PDE4D: variants seen among roughly 807,000 people sequenced by gnomAD.
PDE4D encodes the protein phosphodiesterase 4D.
Under a neutral mutation model 87.4 loss-of-function variants are expected in PDE4D, and 24 were observed. That is an observed-to-expected ratio of 0.27 (90% confidence interval 0.20 to 0.39). The LOEUF (loss-of-function observed/expected upper bound fraction) is 0.39, where lower values mean the gene tolerates loss of function less well. Among genes scored for constraint, PDE4D ranks in the 10% least tolerant of loss-of-function variants. The pLI, the probability that PDE4D is intolerant of heterozygous loss-of-function variation, is 1.00. For missense variants in PDE4D, 714 were observed against 1,041.0 expected (o/e 0.69, Z 4.32); for synonymous variants, 384 against 383.2 (o/e 1.00, Z -0.02).
At chr5:60,332,399 A>G (rs1562331945) in intron 1 of PDE4D, among the ~76,000 whole-genome samples, 1 of 152,068 alleles carries the variant, frequency 6.6e-6, no homozygotes, top group Non-Finnish European at 1.5e-5. Flanking sequence ...GTGTCCAGTT[A>G]CTTATAAGCA....
chr5:59,849,883 AAC>A (rs1353213470), intron 1 of PDE4D, among the ~76,000 whole-genome samples: 1 of 152,070 alleles, frequency 6.6e-6, no homozygotes. Context: ...TAGTATTGAA[AAC>A]ACAATATTTA....
chr5:59,622,502 C>T (rs367997051), intron 1 of PDE4D, among the ~76,000 whole-genome samples: 1 of 152,144 alleles, frequency 6.6e-6, no homozygotes, highest in East Asian at 1.9e-4. Flanking sequence ...ATCTTGACTA[C>T]CTTAATGTAT....
chr5:59,206,991 T>C (rs1386602228), intron 2 of PDE4D, among the ~76,000 whole-genome samples: 1 of 152,000 alleles, frequency 6.6e-6, no homozygotes, highest in Admixed American at 6.6e-5. Flanking sequence ...GAGACCAACC[T>C]GGGCAACATA....
chr5:59,785,404 G>A (rs760176771), intron 1 of PDE4D, among the ~76,000 whole-genome samples: 11 of 152,222 alleles, frequency 7.2e-5, no homozygotes, highest in South Asian at 2.1e-4. Flanking sequence ...TACAGCTAAC[G>A]TTTATTGAGC....
chr5:59,928,047 G>A (rs1755476851), intron 3 of PDE4D, among the ~76,000 whole-genome samples: 1 of 152,192 alleles, frequency 6.6e-6, no homozygotes, highest in African/African-American at 2.4e-5. Flanking sequence ...CAAGCTGCGT[G>A]GTGTGAGCAG....
intron 1 of PDE4D, among the ~76,000 whole-genome samples, chr5:59,278,587 T>C (rs566274476): frequency 2.0e-5 from 3 of 152,234 alleles, no homozygotes; most frequent in African/African-American, 7.2e-5. Context: ...ACTTCAGTCA[T>C]AACACCACCT....
chr5:59,576,842 C>G (rs1051186530), intron 1 of PDE4D, among the ~76,000 whole-genome samples: 1 of 152,134 alleles, frequency 6.6e-6, no homozygotes, highest in African/African-American at 2.4e-5. Context: ...ACTTTTCCCA[C>G]AAATATTTTC....
intron 1 of PDE4D, among the ~76,000 whole-genome samples, chr5:59,378,282 G>C (rs1214100027): frequency 6.6e-6 from 1 of 152,182 alleles, no homozygotes; most frequent in Non-Finnish European, 1.5e-5. Context: ...GCCTACCAGA[G>C]GGTAGAAGGT....
chr5:59,781,290 A>C (rs1764602072), intron 1 of PDE4D, among the ~76,000 whole-genome samples: 1 of 152,058 alleles, frequency 6.6e-6, no homozygotes, highest in African/African-American at 2.4e-5. Context: ...ACTATGTCTT[A>C]CTTAGTGGTT....
chr5:59,953,176 G>A (rs1002934473), intron 3 of PDE4D, among the ~76,000 whole-genome samples: 1 of 151,996 alleles, frequency 6.6e-6, no homozygotes, highest in Non-Finnish European at 1.5e-5. Flanking sequence ...GGCAGTATAT[G>A]TTCTAGCCAC....
At chr5:59,371,020 C>G (rs1035005504) in intron 1 of PDE4D, among the ~76,000 whole-genome samples, 1 of 152,164 alleles carries the variant, frequency 6.6e-6, no homozygotes, top group African/African-American at 2.4e-5. Flanking sequence ...AATTCATAAA[C>G]TATCTTAAAA....
chr5:59,632,082 C>G (rs559422286), intron 1 of PDE4D, among the ~76,000 whole-genome samples: 1 of 152,272 alleles, frequency 6.6e-6, no homozygotes, highest in South Asian at 2.1e-4. Flanking sequence ...ATTACTGAGG[C>G]TTAAGTAGGT....
At chr5:59,803,328 T>A (rs1365579071) in intron 1 of PDE4D, among the ~76,000 whole-genome samples, 1 of 151,512 alleles carries the variant, frequency 6.6e-6, no homozygotes, top group Non-Finnish European at 1.5e-5. Flanking sequence ...TTTTTCAATT[T>A]GTCTCTGCCA....
intron 1 of PDE4D, among the ~76,000 whole-genome samples, chr5:60,338,843 C>T (rs534737717): frequency 6.6e-6 from 1 of 152,020 alleles, no homozygotes; most frequent in Non-Finnish European, 1.5e-5. Context: ...AGGAGAGGGG[C>T]CTGAATCCCT....
chr5:60,287,342 A>C (rs193081671), intron 1 of PDE4D, among the ~76,000 whole-genome samples: 11 of 152,302 alleles, frequency 7.2e-5, no homozygotes, highest in Middle Eastern at 3.4e-3. Context: ...AGGTGCCATG[A>C]AAATAAACTC....
intron 5 of PDE4D, among the ~76,000 whole-genome samples, chr5:59,114,083 A>T (rs940346693): frequency 6.6e-6 from 1 of 152,196 alleles, no homozygotes; most frequent in African/African-American, 2.4e-5. Flanking sequence ...TGCAAAGATG[A>T]TGTAAATGTT....
At chr5:59,643,170 C>T (rs536595311) in intron 1 of PDE4D, among the ~76,000 whole-genome samples, 2 of 152,250 alleles carry the variant, frequency 1.3e-5, no homozygotes, top group South Asian at 4.2e-4. Flanking sequence ...CCTATGGTTG[C>T]CCCAGTGTAC....
chr5:59,286,928 T>G (rs1767067604), intron 1 of PDE4D, among the ~76,000 whole-genome samples: 1 of 152,102 alleles, frequency 6.6e-6, no homozygotes, highest in Admixed American at 6.6e-5. Flanking sequence ...ATATTTTCAT[T>G]TAAAGTTTTC....
chr5:59,473,694 T>C (rs556930619), intron 1 of PDE4D, among the ~76,000 whole-genome samples: 1 of 152,138 alleles, frequency 6.6e-6, no homozygotes. Flanking sequence ...TTGTTTCAGA[T>C]GCATTTAAGA....
Sources: allele counts gnomAD v4.1 joint callset (sites outside exome capture counted in the v4.1 genomes callset), GRCh38; gene constraint gnomAD v4.1.1; transcripts MANE v1.5; gene names NCBI Gene and HGNC (gene_info 2026-07-23, HGNC 2026-07-21).